The following EXOC4 variants were observed in gnomAD, a reference collection of about 807,000 sequenced individuals.
EXOC4 encodes exocyst complex component 4.
EXOC4 carries 71 observed loss-of-function variants against 107.2 expected under a neutral mutation model. That is an observed-to-expected ratio of 0.66 (90% CI 0.55 to 0.81). The LOEUF (loss-of-function observed/expected upper bound fraction) is 0.81, where lower values mean the gene tolerates loss of function less well. EXOC4 is among the 30% of genes least tolerant of loss of function. The pLI is 0.00. For synonymous variants in EXOC4, 456 were observed against 441.2 expected (o/e 1.03, Z -0.42); for missense variants, 1,108 against 1,189.6 (o/e 0.93, Z 1.01).
chr7:133,620,697 A>C (rs1802309083), intron 9 of EXOC4, among the ~76,000 whole-genome samples: 1 of 152,182 alleles, frequency 6.6e-6, no homozygotes, highest in South Asian at 2.1e-4. Context: ...GTGAAAAAAG[A>C]ATGAAATGTA....
intron 10 of EXOC4, among the ~76,000 whole-genome samples, chr7:133,654,415 G>A (rs779529228): frequency 9.2e-5 from 14 of 152,244 alleles, no homozygotes; most frequent in Non-Finnish European, 1.8e-4. Context: ...AAGATGAGCC[G>A]TTATACCTAA....
intron 10 of EXOC4, among the ~76,000 whole-genome samples, chr7:133,636,691 A>C (rs1298423016): frequency 6.6e-6 from 1 of 152,164 alleles, no homozygotes; most frequent in African/African-American, 2.4e-5. Context: ...GGAATATTGA[A>C]TATCTGGGCT....
At chr7:133,777,112 TCTG>T (rs1410536001) in intron 10 of EXOC4, among the ~76,000 whole-genome samples, 1 of 152,110 alleles carries the variant, frequency 6.6e-6, no homozygotes, top group Non-Finnish European at 1.5e-5. Flanking sequence ...TTATATTTAG[TCTG>T]CTAAGATTAT....
intron 1 of EXOC4, among the ~76,000 whole-genome samples, chr7:133,268,776 G>C (rs1793797004): frequency 6.6e-6 from 1 of 152,100 alleles, no homozygotes; most frequent in African/African-American, 2.4e-5. Context: ...GTTCCTACTA[G>C]ATGTTGTTAA....
chr7:133,642,780 A>C lies in EXOC4; in HGVS notation c.1514+12639A>C, dbSNP rs1171290016. ...GGCCTGACTTTCTGACTTTATGCAC[A>C]CTGATCTCAGGCCCCCTTGTACACT... On this transcript the variant is annotated intron_variant, in intron 10 of 17. Coordinates refer to ENST00000253861, the MANE Select transcript of EXOC4 (RefSeq NM_021807.4). Among the ~76,000 whole-genome samples the C allele has an allele frequency of 3.9e-5, 6 of 152,112 alleles. No individual in the cohort carries two copies. The East Asian group carries it at 1.2e-3, about 29-fold the overall frequency.
intron 14 of EXOC4, among the ~76,000 whole-genome samples, chr7:133,972,788 T>C (rs563468258): frequency 6.6e-6 from 1 of 152,320 alleles, no homozygotes; most frequent in South Asian, 2.1e-4. Context: ...GTGGTCTCAC[T>C]TGGAAAAGGA....
intron 10 of EXOC4, among the ~76,000 whole-genome samples, chr7:133,637,211 G>A (rs1802734201): frequency 6.6e-6 from 1 of 152,104 alleles, no homozygotes; most frequent in Admixed American, 6.6e-5. Context: ...AGACAATTGT[G>A]ATTAACATTT....
chr7:133,667,301 G>A (rs1585065653), intron 10 of EXOC4, among the ~76,000 whole-genome samples: 1 of 152,236 alleles, frequency 6.6e-6, no homozygotes, highest in South Asian at 2.1e-4. Flanking sequence ...GCAGTTGTGA[G>A]CAATGATGAT....
intron 10 of EXOC4, among the ~76,000 whole-genome samples, chr7:133,757,162 CCCT>C (rs1162263581): frequency 6.6e-6 from 1 of 152,072 alleles, no homozygotes; most frequent in Non-Finnish European, 1.5e-5. Context: ...TTTTCCAGGG[CCCT>C]CTTCTTACAT....
chr7:133,829,298 A>G (rs1207978918), intron 11 of EXOC4, among the ~76,000 whole-genome samples: 2 of 152,194 alleles, frequency 1.3e-5, no homozygotes, highest in African/African-American at 4.8e-5. Context: ...AATGATACAG[A>G]ATGGTGAAAG....
intron 9 of EXOC4, among the ~76,000 whole-genome samples, chr7:133,510,897 A>C (rs1799756228): frequency 6.6e-6 from 1 of 152,222 alleles, no homozygotes; most frequent in South Asian, 2.1e-4. Context: ...TTTGGCAAGT[A>C]AGAACCATCT....
intron 10 of EXOC4, among the ~76,000 whole-genome samples, chr7:133,696,442 C>T (rs1306244971): frequency 6.6e-6 from 1 of 152,232 alleles, no homozygotes; most frequent in Non-Finnish European, 1.5e-5. Context: ...TTCATAATCT[C>T]TGACTCTTCA....
chr7:133,680,054 C>G (rs1794154157), intron 10 of EXOC4, among the ~76,000 whole-genome samples: 1 of 152,112 alleles, frequency 6.6e-6, no homozygotes, highest in Non-Finnish European at 1.5e-5. Flanking sequence ...TATTCTTCAT[C>G]ATAATCCCTG....
chr7:133,657,483 C>T (rs886707383), intron 10 of EXOC4, among the ~76,000 whole-genome samples: 1 of 152,078 alleles, frequency 6.6e-6, no homozygotes, highest in Admixed American at 6.6e-5. Context: ...TAATTCTAAG[C>T]AGAAATGATC....
chr7:133,470,967 A>T (rs1189418708), intron 7 of EXOC4, among the ~76,000 whole-genome samples: 1 of 152,170 alleles, frequency 6.6e-6, no homozygotes, highest in Non-Finnish European at 1.5e-5. Context: ...TACATTATCC[A>T]CCATGATGTG....
chr7:133,796,507 C>T (rs1208849487), intron 10 of EXOC4, among the ~76,000 whole-genome samples: 2 of 152,092 alleles, frequency 1.3e-5, no homozygotes, highest in Admixed American at 6.5e-5. Flanking sequence ...CCCCTGTAAT[C>T]CCAGCACTTT....
At chr7:133,274,543 T>C (rs1249478022) in intron 1 of EXOC4, among the ~76,000 whole-genome samples, 1 of 152,240 alleles carries the variant, frequency 6.6e-6, no homozygotes, top group Non-Finnish European at 1.5e-5. Flanking sequence ...ATCTTATCTT[T>C]GTACAGTGAT....
At chr7:133,601,656 G>A (rs1801809724) in intron 9 of EXOC4, among the ~76,000 whole-genome samples, 1 of 152,220 alleles carries the variant, frequency 6.6e-6, no homozygotes, top group African/African-American at 2.4e-5. Flanking sequence ...GGAGCAGACA[G>A]GATGGGCTAG....
At chr7:133,596,774 G>A (rs112952025) in intron 9 of EXOC4, among the ~76,000 whole-genome samples, 210 of 152,236 alleles carry the variant, frequency 1.4e-3, no homozygotes, top group African/African-American at 4.8e-3. Context: ...CACTCAAGAC[G>A]TTCAGAGCCA....
Sources: gnomAD v4.1 joint callset for allele counts (sites outside exome capture counted in the v4.1 genomes callset) on GRCh38, gnomAD v4.1.1 for gene constraint, MANE v1.5 for transcripts, NCBI Gene and HGNC (gene_info 2026-07-23, HGNC 2026-07-21) for gene names.